The following ZDHHC14 variants were observed in gnomAD, a reference collection of about 807,000 sequenced individuals.
ZDHHC14 encodes zDHHC palmitoyltransferase 14.
A neutral mutation model predicts 47.7 loss-of-function variants in ZDHHC14; 16 were observed. The ratio of observed to expected loss-of-function variants is 0.34; its 90% CI spans 0.23 to 0.51. The LOEUF (loss-of-function observed/expected upper bound fraction) is 0.51. ZDHHC14 is among the 20% of genes least tolerant of loss of function. ZDHHC14 has a pLI of 0.97. For missense variants in ZDHHC14, 515 were observed against 662.5 expected (o/e 0.78, Z 2.44); for synonymous variants, 293 against 278.9 (o/e 1.05, Z -0.50).
At chr6:157,601,786 G>T (rs1274837804) in intron 3 of ZDHHC14, among the ~76,000 whole-genome samples, 1 of 152,194 alleles carries the variant, frequency 6.6e-6, no homozygotes, top group African/African-American at 2.4e-5. Flanking sequence ...GTGTGTATGT[G>T]CATGTGTGTA....
chr6:157,499,550 C>T (rs777741083), intron 1 of ZDHHC14, among the ~76,000 whole-genome samples: 19 of 150,490 alleles, frequency 1.3e-4, no homozygotes, highest in Non-Finnish European at 2.4e-4. Context: ...GGAACCCATT[C>T]GCTCCATAGC....
At chr6:157,640,899 C>T (rs1777217850) in intron 5 of ZDHHC14, among the ~76,000 whole-genome samples, 3 of 152,166 alleles carry the variant, frequency 2.0e-5, no homozygotes, top group African/African-American at 7.2e-5. Flanking sequence ...CTGTAGGAAC[C>T]CTTGCCAGCT....
intron 2 of ZDHHC14, among the ~76,000 whole-genome samples, chr6:157,550,098 G>T (rs1394559979): frequency 1.3e-5 from 2 of 152,220 alleles, no homozygotes; most frequent in African/African-American, 2.4e-5. Flanking sequence ...TACAGGAAGA[G>T]AAATTGAGAG....
chr6:157,608,905 A>C (rs771965945), intron 3 of ZDHHC14, among the ~76,000 whole-genome samples: 5 of 152,200 alleles, frequency 3.3e-5, no homozygotes, highest in Admixed American at 1.3e-4. Context: ...AGGAGACAGA[A>C]AGATGTGGAT....
At chr6:157,552,418 G>T (rs751046415) in intron 2 of ZDHHC14, among the ~76,000 whole-genome samples, 83 of 152,218 alleles carry the variant, frequency 5.5e-4, no homozygotes, top group Non-Finnish European at 1.0e-3. Context: ...AGGAGGAGGG[G>T]AGGCCAGATG....
intron 1 of ZDHHC14, among the ~76,000 whole-genome samples, chr6:157,444,178 T>C (rs1458813874): frequency 1.3e-5 from 2 of 152,214 alleles, no homozygotes; most frequent in Non-Finnish European, 2.9e-5. Flanking sequence ...TATACAGCCT[T>C]CTGCAATATT....
chr6:157,589,165 G>A (rs1347807076), intron 2 of ZDHHC14, among the ~76,000 whole-genome samples: 1 of 152,094 alleles, frequency 6.6e-6, no homozygotes, highest in Non-Finnish European at 1.5e-5. Context: ...GGTCTTAAAT[G>A]GCCAGAGCAG....
At chr6:157,595,870 G>A (rs1038143544) in intron 3 of ZDHHC14, among the ~76,000 whole-genome samples, 1 of 152,170 alleles carries the variant, frequency 6.6e-6, no homozygotes, top group Non-Finnish European at 1.5e-5. Flanking sequence ...AACCGAACAT[G>A]GTGGTGGTCT....
intron 3 of ZDHHC14, among the ~76,000 whole-genome samples, chr6:157,621,857 T>G (rs1785203146): frequency 6.6e-6 from 1 of 152,194 alleles, no homozygotes; most frequent in Non-Finnish European, 1.5e-5. Context: ...TAAGGCCCCT[T>G]TTTCATATTT....
intron 3 of ZDHHC14, among the ~76,000 whole-genome samples, chr6:157,604,717 T>C (rs775541994): frequency 6.6e-6 from 1 of 152,148 alleles, no homozygotes; most frequent in Non-Finnish European, 1.5e-5. Context: ...CTAATTTTTG[T>C]AATTTTAGTA....
intron 1 of ZDHHC14, among the ~76,000 whole-genome samples, chr6:157,412,159 G>C (rs949452594): frequency 6.6e-6 from 1 of 151,604 alleles, no homozygotes; most frequent in Admixed American, 6.6e-5. Flanking sequence ...GGCTGGTCTC[G>C]AACTCCTGAC....
At chr6:157,398,831 A>G (rs530158486) in intron 1 of ZDHHC14, among the ~76,000 whole-genome samples, 2 of 152,374 alleles carry the variant, frequency 1.3e-5, no homozygotes, top group African/African-American at 4.8e-5. Context: ...GGCTTATTGC[A>G]TCTCCACTGA....
At chr6:157,666,701 T>C (rs988953741) in intron 8 of ZDHHC14, among the ~76,000 whole-genome samples, 22 of 152,216 alleles carry the variant, frequency 1.4e-4, no homozygotes, top group African/African-American at 5.3e-4. Context: ...AGTTTTGCTT[T>C]TAGTAGCATC....
At chr6:157,492,352 G>A (rs1241918935) in intron 1 of ZDHHC14, among the ~76,000 whole-genome samples, 3 of 152,030 alleles carry the variant, frequency 2.0e-5, no homozygotes, top group African/African-American at 7.3e-5. Flanking sequence ...AAGACCTCAG[G>A]GCATTTCGCT....
intron 3 of ZDHHC14, among the ~76,000 whole-genome samples, chr6:157,627,625 G>A (rs1785491676): frequency 1.3e-5 from 2 of 152,188 alleles, no homozygotes; most frequent in Non-Finnish European, 2.9e-5. Flanking sequence ...CATTTATAAA[G>A]TGCCAGAGGC....
At chr6:157,480,116 G>A (rs972001131) in intron 1 of ZDHHC14, among the ~76,000 whole-genome samples, 2 of 152,164 alleles carry the variant, frequency 1.3e-5, no homozygotes, top group South Asian at 2.1e-4. Flanking sequence ...TGGGCTCAGC[G>A]TTGGACCAAG....
chr6:157,556,141 G>A (rs1471622214), intron 2 of ZDHHC14, among the ~76,000 whole-genome samples: 2 of 152,140 alleles, frequency 1.3e-5, no homozygotes, highest in Non-Finnish European at 2.9e-5. Flanking sequence ...CAGCTGCCAA[G>A]CGTGGCGTAC....
chr6:157,506,727 T>C (rs1251777141), intron 1 of ZDHHC14, among the ~76,000 whole-genome samples: 1 of 152,200 alleles, frequency 6.6e-6, no homozygotes, highest in Non-Finnish European at 1.5e-5. Context: ...AGATATATTT[T>C]ATATTGGTCC....
At chr6:157,608,834 A>G (rs1424685358) in intron 3 of ZDHHC14, among the ~76,000 whole-genome samples, 2 of 152,126 alleles carry the variant, frequency 1.3e-5, no homozygotes, top group Non-Finnish European at 2.9e-5. Context: ...AGGAGACGAG[A>G]GGGGGGGCTG....
Sources: gnomAD v4.1 joint callset for allele counts (sites outside exome capture counted in the v4.1 genomes callset) on GRCh38, gnomAD v4.1.1 for gene constraint, MANE v1.5 for transcripts, NCBI Gene and HGNC (gene_info 2026-07-23, HGNC 2026-07-21) for gene names.